Variants in DYNC1I1 observed in about 807,000 individuals in gnomAD.
DYNC1I1 encodes dynein cytoplasmic 1 intermediate chain 1, also known as cytoplasmic dynein 1 intermediate chain 1.
A neutral mutation model predicts 86.6 loss-of-function variants in DYNC1I1; 43 were observed. The ratio of observed to expected loss-of-function variants is 0.50; its 90% CI spans 0.39 to 0.64. DYNC1I1 has a LOEUF of 0.64. Among genes scored for constraint, DYNC1I1 ranks in the 30% least tolerant of loss-of-function variants. The pLI is 0.00. For missense variants in DYNC1I1, 604 were observed against 788.8 expected (o/e 0.77, Z 2.81); for synonymous variants, 262 against 283.7 (o/e 0.92, Z 0.77).
At chr7:95,808,647 C>G (rs1447582509) in intron 2 of DYNC1I1, among the ~76,000 whole-genome samples, 1 of 152,130 alleles carries the variant, frequency 6.6e-6, no homozygotes, top group Non-Finnish European at 1.5e-5. Context: ...GGTTTCCTGG[C>G]CTGTCCTCAC....
chr7:95,983,545 A>T (rs1352848057), intron 7 of DYNC1I1, among the ~76,000 whole-genome samples: 1 of 152,152 alleles, frequency 6.6e-6, no homozygotes, highest in Non-Finnish European at 1.5e-5. Context: ...GGGAGATGTT[A>T]CGAACATTGG....
chr7:96,020,192 C>G (rs9690056), intron 10 of DYNC1I1, among the ~76,000 whole-genome samples: 1 of 151,118 alleles, frequency 6.6e-6, no homozygotes, highest in South Asian at 2.1e-4. Context: ...TAAAATGGTG[C>G]GGCTGCTTGC....
chr7:95,923,795 A>G (rs1791672136), intron 6 of DYNC1I1, among the ~76,000 whole-genome samples: 1 of 152,158 alleles, frequency 6.6e-6, no homozygotes, highest in Admixed American at 6.5e-5. Flanking sequence ...ATATAACATC[A>G]TTGTACAAAT....
chr7:95,992,558 C>T (rs776447558), intron 9 of DYNC1I1, among the ~76,000 whole-genome samples: 8 of 152,270 alleles, frequency 5.3e-5, no homozygotes, highest in South Asian at 2.1e-4. Flanking sequence ...AATGAATTAA[C>T]ATATCAGTGT....
At chr7:95,844,644 G>A (rs1922331) in intron 5 of DYNC1I1, among the ~76,000 whole-genome samples, 77,012 of 151,644 alleles carry the variant, frequency 0.51, 21,783 homozygotes, top group Non-Finnish European at 0.65. Flanking sequence ...GGGTGCAATC[G>A]TAGGGGTGTG....
chr7:95,785,965 A>G (rs142291164), intron 1 of DYNC1I1, among the ~76,000 whole-genome samples: 3 of 152,002 alleles, frequency 2.0e-5, no homozygotes, highest in African/African-American at 7.2e-5. Context: ...CTCATTCTAT[A>G]CAGCAAAAGT....
intron 6 of DYNC1I1, among the ~76,000 whole-genome samples, chr7:95,886,157 C>T (rs762669544): frequency 2.6e-5 from 4 of 152,068 alleles, no homozygotes; most frequent in African/African-American, 4.8e-5. Context: ...AGACTCAGGC[C>T]GGACGCAGTG....
At chr7:96,012,975 G>A (rs937201130) in intron 10 of DYNC1I1, among the ~76,000 whole-genome samples, 1 of 152,092 alleles carries the variant, frequency 6.6e-6, no homozygotes, top group African/African-American at 2.4e-5. Flanking sequence ...ACTTGGGGAA[G>A]GGTGGATGGG....
chr7:95,921,638 C>T (rs1286809116), intron 6 of DYNC1I1, among the ~76,000 whole-genome samples: 1 of 152,174 alleles, frequency 6.6e-6, no homozygotes, highest in Non-Finnish European at 1.5e-5. Flanking sequence ...ACACCCTGGT[C>T]ACCTTCCAAA....
chr7:95,939,145 C>G (rs1792130539), intron 6 of DYNC1I1, among the ~76,000 whole-genome samples: 1 of 152,132 alleles, frequency 6.6e-6, no homozygotes, highest in Non-Finnish European at 1.5e-5. Context: ...AGTTTGATTG[C>G]ACTGTGGTCT....
intron 14 of DYNC1I1, among the ~76,000 whole-genome samples, chr7:96,040,629 A>G (rs58018550): frequency 0.31 from 47,328 of 151,894 alleles, 8,014 homozygotes; most frequent in African/African-American, 0.45. Context: ...ATCTCCATTA[A>G]GCAGTTTGAT....
At position 96,097,470 on chromosome 7, in the gene DYNC1I1, A is replaced by C; in HGVS notation, c.1777-13A>C. On this transcript the variant is annotated splice_polypyrimidine_tract_variant and intron_variant, in intron 16 of 16. Transcript: ENST00000447467. ...TATCTTGTTCATCATTTCTCCATTG[A>C]TTTGCTTTGCAGCTTGCAGTTCCCC... 6.2e-7 allele frequency: 1 copy of C among 1,613,310 alleles called. No individual in the cohort carries two copies. The highest frequency in any genetic ancestry group is 8.5e-7 in the Non-Finnish European group (1 of 1,179,546).
chr7:95,918,875 C>T (rs925272462), intron 6 of DYNC1I1, among the ~76,000 whole-genome samples: 3 of 152,126 alleles, frequency 2.0e-5, no homozygotes, highest in African/African-American at 7.2e-5. Context: ...CCTCAATTTC[C>T]CAGAATTCAT....
chr7:95,851,245 C>T (rs755510085), intron 5 of DYNC1I1, among the ~76,000 whole-genome samples: 10 of 152,000 alleles, frequency 6.6e-5, no homozygotes, highest in Non-Finnish European at 1.5e-4. Context: ...AATATCACAA[C>T]ATTTGATCTG....
chr7:96,059,797 C>T (rs1363374247), intron 14 of DYNC1I1, among the ~76,000 whole-genome samples: 1 of 152,100 alleles, frequency 6.6e-6, no homozygotes, highest in Non-Finnish European at 1.5e-5. Context: ...GCAAGCTTGA[C>T]TTGGTTTGTG....
chr7:95,939,827 T>A (rs932753275), intron 6 of DYNC1I1, among the ~76,000 whole-genome samples: 1 of 152,212 alleles, frequency 6.6e-6, no homozygotes, highest in Non-Finnish European at 1.5e-5. Context: ...TGTGTGAATT[T>A]GATCCTGTCA....
intron 5 of DYNC1I1, among the ~76,000 whole-genome samples, chr7:95,864,827 A>G (rs1789976683): frequency 6.6e-6 from 1 of 152,118 alleles, no homozygotes; most frequent in Admixed American, 6.6e-5. Flanking sequence ...TAAAGCCTCT[A>G]GAATAGCCTG....
chr7:95,780,407 A>G (rs891418061), intron 1 of DYNC1I1, among the ~76,000 whole-genome samples: 13 of 149,866 alleles, frequency 8.7e-5, no homozygotes, highest in Admixed American at 8.7e-4. Context: ...AGCTGGGACT[A>G]CAGGCGCCCA....
intron 5 of DYNC1I1, among the ~76,000 whole-genome samples, chr7:95,866,262 C>T (rs1790015323): frequency 6.6e-6 from 1 of 152,130 alleles, no homozygotes; most frequent in South Asian, 2.1e-4. Flanking sequence ...TCATTATGTC[C>T]TAACAATCTA....
Sources: allele counts gnomAD v4.1 joint callset (sites outside exome capture counted in the v4.1 genomes callset), GRCh38; gene constraint gnomAD v4.1.1; transcripts MANE v1.5; gene names NCBI Gene and HGNC (gene_info 2026-07-23, HGNC 2026-07-21).